LRP1B: variants seen among roughly 807,000 people sequenced by gnomAD.
LRP1B encodes LDL receptor related protein 1B.
In LRP1B, 217 loss-of-function variants were observed where a neutral mutation model predicts 556.6. The ratio of observed to expected loss-of-function variants is 0.39; its 90% confidence interval spans 0.35 to 0.44. LRP1B has a LOEUF of 0.44. Among genes scored for constraint, LRP1B ranks in the 20% least tolerant of loss-of-function variants. The pLI is 1.00. For synonymous variants in LRP1B, 2,047 were observed against 1,865.8 expected, an observed-to-expected ratio of 1.10 and a Z score of -2.50; for missense variants, 5,053 against 5,620.8, an observed-to-expected ratio of 0.90 and a Z score of 3.23.
rs1394225582 is a variant in LRP1B, at chr2:140,425,881, G to C, written c.10414+16623C>G. 3.3e-5 allele frequency among the ~76,000 whole-genome samples: 5 copies of C among 152,086 alleles called. No homozygotes were observed. In the East Asian group the frequency reaches 9.6e-4, roughly 29 times the overall value. ...ACATAAGGCACACAGCTAATACATA[G>C]CACTTAATAAGCTTTCAACACTATT... is the stretch of plus-strand genomic sequence containing the variant. On this transcript the variant is annotated intron_variant, in intron 66 of 90. Transcript: ENST00000389484.
chr2:140,448,173 G>A (rs1198404365), intron 63 of LRP1B, among the ~76,000 whole-genome samples: 4 of 152,086 alleles, frequency 2.6e-5, no homozygotes, highest in African/African-American at 9.7e-5. Flanking sequence ...GATTGATGCA[G>A]CCTTGTCATA....
chr2:141,462,703 T>C (rs1681930084), intron 3 of LRP1B, among the ~76,000 whole-genome samples: 2 of 152,078 alleles, frequency 1.3e-5, no homozygotes, highest in African/African-American at 4.8e-5. Flanking sequence ...ATCCTCTCCT[T>C]ATCTTTCTAC....
Position 141,274,857 on chromosome 2 carries a change from C to T in LRP1B, c.344-20216G>A, listed in dbSNP as rs149773109. Among the ~76,000 whole-genome samples the T allele has an allele frequency of 9.8e-5, 15 of 152,298 alleles. No individual in the cohort carries two copies. In the East Asian group the frequency reaches 2.9e-3, roughly 29 times the overall value. On this transcript the variant is annotated intron_variant, in intron 3 of 90. Transcript: ENST00000389484. Reference sequence around the variant, plus strand: ...AATATATAATGATTTTCAACTTCTACTTCTATGCATAGTCAAACTATCAGT... The same window carrying T: ...AATATATAATGATTTTCAACTTCTATTTCTATGCATAGTCAAACTATCAGT...
chr2:141,355,651 A>C (rs1358355165), intron 3 of LRP1B, among the ~76,000 whole-genome samples: 1 of 152,160 alleles, frequency 6.6e-6, no homozygotes, highest in African/African-American at 2.4e-5. Context: ...TGTACACTCA[A>C]GATAAATTAA....
chr2:142,062,946 C>A (rs1471519585), intron 1 of LRP1B, among the ~76,000 whole-genome samples: 1 of 150,682 alleles, frequency 6.6e-6, no homozygotes, highest in Non-Finnish European at 1.5e-5. Context: ...AAAGTATTAG[C>A]TCTATCTAAA....
At chr2:141,285,040 G>A (rs1237602851) in intron 3 of LRP1B, among the ~76,000 whole-genome samples, 2 of 151,216 alleles carry the variant, frequency 1.3e-5, no homozygotes, top group Non-Finnish European at 2.9e-5. Flanking sequence ...TCACATATTA[G>A]TTTTAGCAGT....
At chr2:140,682,269 T>C (rs12470579) in intron 41 of LRP1B, among the ~76,000 whole-genome samples, 143,630 of 152,280 alleles carry the variant, frequency 0.94, 67,760 homozygotes, top group Middle Eastern at 0.98. Context: ...TCTGTCTATA[T>C]TCGTACCACA....
intron 68 of LRP1B, among the ~76,000 whole-genome samples, chr2:140,375,799 TAAGTA>T (rs1220108610): frequency 6.6e-6 from 1 of 152,162 alleles, no homozygotes; most frequent in African/African-American, 2.4e-5. Flanking sequence ...AAAATCACTT[TAAGTA>T]ATCATTTTCT....
chr2:140,241,346 A>G (rs1680939850), intron 87 of LRP1B, among the ~76,000 whole-genome samples: 2 of 150,868 alleles, frequency 1.3e-5, no homozygotes, highest in South Asian at 4.1e-4. Flanking sequence ...ATGATTTTAC[A>G]AATATATCTA....
intron 2 of LRP1B, among the ~76,000 whole-genome samples, chr2:141,747,975 C>A (rs7605253): frequency 6.6e-6 from 1 of 152,008 alleles, no homozygotes; most frequent in African/African-American, 2.4e-5. Context: ...TAGTAGTACC[C>A]AGTTGGGGCC....
chr2:141,366,937 C>G lies in LRP1B; in HGVS notation c.344-112296G>C, dbSNP rs149227452. ...ACCTTTTAACTCACTTGAAATTACT[C>G]CATCTTGAAGATGACACGGGAAGGG... is the stretch of plus-strand genomic sequence containing the variant. On this transcript the variant is annotated intron_variant, in intron 3 of 90. Transcript: ENST00000389484. 2.6e-3 allele frequency among the ~76,000 whole-genome samples: 390 copies of G among 152,260 alleles called. 1 individual carries two copies. The highest frequency in any genetic ancestry group is 8.9e-3 in the African/African-American group (370 of 41,544).
intron 2 of LRP1B, among the ~76,000 whole-genome samples, chr2:141,700,896 T>A (rs565171219): frequency 1.3e-5 from 2 of 151,938 alleles, no homozygotes; most frequent in East Asian, 3.9e-4. Flanking sequence ...ACTCTCAATA[T>A]CTTACTGCTT....
chr2:141,175,319 G>A (rs1307322968), intron 7 of LRP1B, among the ~76,000 whole-genome samples: 1 of 152,108 alleles, frequency 6.6e-6, no homozygotes, highest in Non-Finnish European at 1.5e-5. Flanking sequence ...CCAAGACAAT[G>A]AAGAAAACCC....
At chr2:140,458,464 C>T (rs1004070222) in intron 60 of LRP1B, among the ~76,000 whole-genome samples, 5 of 151,974 alleles carry the variant, frequency 3.3e-5, no homozygotes, top group Non-Finnish European at 7.4e-5. Context: ...TAATTTTAAA[C>T]TGTGATAGAG....
intron 20 of LRP1B, among the ~76,000 whole-genome samples, chr2:140,931,057 T>G (rs542352598): frequency 6.6e-6 from 1 of 152,206 alleles, no homozygotes; most frequent in South Asian, 2.1e-4. Context: ...CCTCCCAGAC[T>G]TTGGGCTAAC....
chr2:140,335,577 C>A (rs1321923709), intron 78 of LRP1B, 38 bp downstream of exon 78: 4 of 1,208,546 alleles, frequency 3.3e-6, no homozygotes, highest in Non-Finnish European at 4.9e-6. Flanking sequence ...AAAGGATATT[C>A]ATTATCAAGA....
chr2:140,979,526 T>C (rs1389285966), intron 18 of LRP1B, among the ~76,000 whole-genome samples: 1 of 152,146 alleles, frequency 6.6e-6, no homozygotes, highest in Non-Finnish European at 1.5e-5. Flanking sequence ...ATCATCCTAA[T>C]TCCACATTCA....
intron 17 of LRP1B, among the ~76,000 whole-genome samples, chr2:140,983,420 A>G (rs150834541): frequency 6.6e-6 from 1 of 152,204 alleles, no homozygotes; most frequent in Admixed American, 6.6e-5. Context: ...TAGGTTTCAG[A>G]ACCATTGTTT....
At chr2:142,033,689 A>G (rs1703781123) in intron 1 of LRP1B, among the ~76,000 whole-genome samples, 2 of 151,726 alleles carry the variant, frequency 1.3e-5, no homozygotes, top group South Asian at 4.1e-4. Flanking sequence ...AGGCATTCCA[A>G]TGAGATGACA....
Sources: allele counts gnomAD v4.1 joint callset (sites outside exome capture counted in the v4.1 genomes callset), GRCh38; gene constraint gnomAD v4.1.1; transcripts MANE v1.5; gene names NCBI Gene and HGNC (gene_info 2026-07-23, HGNC 2026-07-21).